The following CLSTN2 variants were observed in gnomAD, a reference collection of about 807,000 sequenced individuals.
CLSTN2 encodes calsyntenin-2.
Under a neutral mutation model 101.2 loss-of-function variants are expected in CLSTN2, and 48 were observed. The ratio of observed to expected loss-of-function variants is 0.47; its 90% CI spans 0.38 to 0.60. The LOEUF (loss-of-function observed/expected upper bound fraction) is 0.60, where lower values mean the gene tolerates loss of function less well. CLSTN2 is among the 20% of genes least tolerant of loss of function. The probability of loss-of-function intolerance (pLI) is 0.00; values close to 1 mark genes in which losing one functional copy is unlikely to be tolerated. For synonymous variants in CLSTN2, 481 were observed against 463.6 expected (o/e 1.04, Z -0.48); for missense variants, 1,160 against 1,238.2 (o/e 0.94, Z 0.95).
At chr3:140,449,984 T>C (rs990679959) in intron 6 of CLSTN2, 1 of 152,308 alleles carries the variant, frequency 6.6e-6, no homozygotes, top group Non-Finnish European at 1.5e-5. Context: ...GGCTGTGAGA[T>C]GGCGCCACAA....
intron 9 of CLSTN2, among the ~76,000 whole-genome samples, chr3:140,539,588 C>T (rs780966853): frequency 1.6e-4 from 24 of 152,314 alleles, no homozygotes; most frequent in Non-Finnish European, 2.5e-4. Context: ...AAAAACAAGA[C>T]AGAAAACTCA....
intron 8 of CLSTN2, among the ~76,000 whole-genome samples, chr3:140,481,281 G>T (rs2107751690): frequency 6.6e-6 from 1 of 152,162 alleles, no homozygotes; most frequent in East Asian, 1.9e-4. Context: ...ATTTCTGAGG[G>T]CTCTGTTCTG....
intron 1 of CLSTN2, among the ~76,000 whole-genome samples, chr3:139,994,459 A>G (rs1358697472): frequency 6.6e-6 from 1 of 152,150 alleles, no homozygotes; most frequent in Admixed American, 6.5e-5. Context: ...TGAATTTCTG[A>G]TTTTGTGCTC....
chr3:139,968,329 G>T (rs1935638684), intron 1 of CLSTN2, among the ~76,000 whole-genome samples: 1 of 152,160 alleles, frequency 6.6e-6, no homozygotes, highest in South Asian at 2.1e-4. Flanking sequence ...TCCCTCTCCT[G>T]TGTCCTCAGT....
chr3:140,424,531 C>T (rs1366327528), intron 5 of CLSTN2, among the ~76,000 whole-genome samples: 3 of 152,186 alleles, frequency 2.0e-5, no homozygotes, highest in Non-Finnish European at 4.4e-5. Context: ...TCACCTTTCT[C>T]CAGGTAAGAA....
At chr3:140,313,562 A>C (rs1391454366) in intron 2 of CLSTN2, among the ~76,000 whole-genome samples, 2 of 152,196 alleles carry the variant, frequency 1.3e-5, no homozygotes. Context: ...AGTTGCGGTC[A>C]CTGCTTTGGA....
In CLSTN2 at chr3:140,343,067, G is replaced by A. The variant is rs143516874; in HGVS notation, c.233-60562G>A. 2.1e-3 allele frequency among the ~76,000 whole-genome samples: 324 copies of A among 152,256 alleles called. 3 individuals are homozygous for A. In the East Asian group the frequency reaches 0.024, roughly 11 times the overall value. ...TATGAAGAGCACATAGGCAGGGTAC[G>A]TTTTTGTGGCCATCTTCTCTAGTTT... On this transcript the variant is annotated intron_variant, in intron 2 of 16. Transcript: ENST00000458420.
At chr3:140,230,912 G>A (rs61283355) in intron 2 of CLSTN2, among the ~76,000 whole-genome samples, 5,423 of 152,202 alleles carry the variant, frequency 0.036, 299 homozygotes, top group African/African-American at 0.12. Flanking sequence ...CACTGTAAGG[G>A]CAAAGAACCT....
intron 7 of CLSTN2, among the ~76,000 whole-genome samples, chr3:140,462,374 C>T (rs979106887): frequency 1.3e-5 from 2 of 152,146 alleles, no homozygotes; most frequent in African/African-American, 2.4e-5. Context: ...CTTTTAAATG[C>T]AAACACAGCA....
Position 140,091,498 on chromosome 3 carries a change from C to T in CLSTN2, c.110-84453C>T. On this transcript the variant is annotated intron_variant, in intron 1 of 16. Transcript: ENST00000458420. The stretch of plus-strand genomic sequence containing the variant: ...CTGCCTGGGCGGTATGTGGCAGTCA[C>T]AGAAGCCCAGAACATTTCATTACCT... Among the ~76,000 whole-genome samples, 2 of 152,190 alleles carry T rather than the reference C, an allele frequency of 1.3e-5. 1 individual carries two copies. Among genetic ancestry groups the T allele is most frequent in the East Asian group, 3.9e-4 (2 of 5,192 alleles).
intron 1 of CLSTN2, among the ~76,000 whole-genome samples, chr3:140,089,969 G>A (rs2008747605): frequency 8.1e-6 from 1 of 122,836 alleles, no homozygotes; most frequent in Non-Finnish European, 1.6e-5. Flanking sequence ...AGCTAGGATT[G>A]GCTTTTTTTT....
chr3:140,114,353 C>T (rs75005604), intron 1 of CLSTN2, among the ~76,000 whole-genome samples: 8,510 of 152,222 alleles, frequency 0.056, 338 homozygotes, highest in East Asian at 0.17. Context: ...AGGTCTGCCC[C>T]ATGGTGCTCC....
At chr3:140,314,946 C>G (rs2087214697) in intron 2 of CLSTN2, among the ~76,000 whole-genome samples, 1 of 152,190 alleles carries the variant, frequency 6.6e-6, no homozygotes, top group Non-Finnish European at 1.5e-5. Context: ...TGGCACAAAG[C>G]AAGCACCAGA....
At chr3:140,105,129 G>C (rs1191106798) in intron 1 of CLSTN2, among the ~76,000 whole-genome samples, 3 of 152,214 alleles carry the variant, frequency 2.0e-5, no homozygotes, top group Non-Finnish European at 4.4e-5. Context: ...AATTGTGAGA[G>C]AGCAACAAGT....
chr3:139,937,608 G>A (rs1008953727), intron 1 of CLSTN2, among the ~76,000 whole-genome samples: 1 of 151,558 alleles, frequency 6.6e-6, no homozygotes, highest in African/African-American at 2.4e-5. Context: ...GATGGGTGTG[G>A]TGACACGCAC....
rs557423139 is a variant in CLSTN2, at chr3:140,036,090, T to A, written c.109+100607T>A. Among the ~76,000 whole-genome samples the A allele has an allele frequency of 5.9e-5, 9 of 152,220 alleles. No homozygotes were observed. In the South Asian group the frequency reaches 1.9e-3, roughly 31 times the overall value. On this transcript the variant is annotated intron_variant, in intron 1 of 16. Coordinates refer to ENST00000458420, the MANE Select transcript of CLSTN2 (RefSeq NM_022131.3). Reference sequence around the variant, plus strand: ...TGTCTTTATCTGATTAGAACCTGTCTCTTCCAGAAATCTGTGAGCTCTGCA... The same window carrying A: ...TGTCTTTATCTGATTAGAACCTGTCACTTCCAGAAATCTGTGAGCTCTGCA...
intron 8 of CLSTN2, among the ~76,000 whole-genome samples, chr3:140,487,062 A>G (rs1934254622): frequency 1.3e-5 from 2 of 152,220 alleles, no homozygotes; most frequent in Admixed American, 6.5e-5. Flanking sequence ...GTCGAGAGGA[A>G]TACCTGAAAG....
In CLSTN2 at chr3:140,294,117, AATGGAGT is replaced by A. The variant is rs544883428; in HGVS notation, c.233-109507_233-109501del. On this transcript the variant is annotated intron_variant, in intron 2 of 16. Transcript: ENST00000458420. The stretch of plus-strand genomic sequence containing the variant: ...TCTTGGGTTACAGCATGTTATAGCA[AATGGAGT>A]ATGGTTTCTATAAAATCAAAAGTCT... Among the ~76,000 whole-genome samples the A allele has an allele frequency of 1.1e-4, 17 of 152,278 alleles. No homozygotes were observed. In the South Asian group the frequency reaches 3.5e-3, roughly 32 times the overall value.
At chr3:140,348,269 C>A (rs1172561505) in intron 2 of CLSTN2, among the ~76,000 whole-genome samples, 1 of 152,160 alleles carries the variant, frequency 6.6e-6, no homozygotes, top group Non-Finnish European at 1.5e-5. Flanking sequence ...GAGCTGAATT[C>A]TAGAGCCTCA....
Sources: gnomAD v4.1 joint callset for allele counts (sites outside exome capture counted in the v4.1 genomes callset) on GRCh38, gnomAD v4.1.1 for gene constraint, MANE v1.5 for transcripts, NCBI Gene and HGNC (gene_info 2026-07-23, HGNC 2026-07-21) for gene names.